Variants in LCN8 observed in about 807,000 individuals in gnomAD.
The protein encoded by LCN8 is epididymal-specific lipocalin-8.
In LCN8, 16 loss-of-function variants were observed where a neutral mutation model predicts 22.8. That is an observed-to-expected ratio of 0.70 (90% CI 0.47 to 1.06). LCN8 has a LOEUF of 1.06. Ranked by LOEUF, LCN8 falls within the 50% of genes least tolerant of loss-of-function variation. LCN8 has a pLI of 0.00. For synonymous variants in LCN8, 92 were observed against 83.4 expected, an observed-to-expected ratio of 1.10 and a Z score of -0.56; for missense variants, 189 against 203.3, an observed-to-expected ratio of 0.93 and a Z score of 0.43.
In LCN8 at chr9:136,757,976, G is replaced by T. The variant is rs1489772531; in HGVS notation, c.-46C>A. On this transcript the variant is annotated 5_prime_UTR_variant, in exon 1 of 7. Transcript: ENST00000371688. Reference sequence around the variant, plus strand: ...GGAGCACCACGAGGACACCCAGGATGGTGCACGGCAGCCTGGCCTCCGTGG... The same window carrying T: ...GGAGCACCACGAGGACACCCAGGATTGTGCACGGCAGCCTGGCCTCCGTGG... 1.9e-6 allele frequency: 3 copies of T among 1,610,702 alleles called. No individual in the cohort carries two copies. The highest frequency in any genetic ancestry group is 2.5e-6 in the Non-Finnish European group (3 of 1,179,250).
In LCN8 at chr9:136,756,198, G is replaced by A. The variant is rs1847191565; in HGVS notation, c.226+324C>T. 1.5e-6 allele frequency: 2 copies of A among 1,306,046 alleles called. 1 individual carries two copies. The allele number at this position is 1,306,046 out of a possible 1,614,324, so 80.9% of individuals were successfully genotyped here. A position where few individuals can be genotyped will look rare whatever the true frequency, so the allele number is the denominator to read the frequency against. On this transcript the variant is annotated intron_variant, in intron 3 of 6. Transcript: ENST00000371688. ...AGTGCAGGGAACAGCATGGGGAACA[G>A]CGCAGGGAACAGCATGGGGAACAGT...
rs777255250 is a variant in LCN8, at chr9:136,757,073, G to A, written c.120C>T (p.Ser40=). The change falls in exon 2 of 7, where the codon AGC becomes AGT. Residue 40 remains serine, a synonymous_variant. Coordinates refer to ENST00000371688, the MANE Select transcript of LCN8 (RefSeq NM_178469.4). ...KRVEGLFLTL[S]GSNLTVKVAY... is the part of the protein sequence containing the mutation. Reference sequence around the variant, plus strand: ...CAACCTTCACGGTCAGGTTACTCCCGCTCAAGGTGAGGAACAAGCCCTCCA... The same window carrying A: ...CAACCTTCACGGTCAGGTTACTCCCACTCAAGGTGAGGAACAAGCCCTCCA... The A allele has an allele frequency of 3.7e-5, 59 of 1,613,186 alleles. No individual in the cohort carries two copies. The highest frequency in any genetic ancestry group is 4.3e-5 in the Non-Finnish European group (51 of 1,179,744).
At chr9:136,757,429 C>CCCTGTGTT in intron 1 of LCN8, 10 of 1,403,774 alleles carry the variant, frequency 7.1e-6, no homozygotes, top group Non-Finnish European at 9.2e-6. Flanking sequence ...GCGGAACAGT[C>CCCTGTGTT]CCTAGGGCTT....
At chr9:136,757,534 G>T in intron 1 of LCN8, 2 of 1,363,820 alleles carry the variant, frequency 1.5e-6, no homozygotes, top group Non-Finnish European at 1.9e-6. Flanking sequence ...AGGGCGCGGC[G>T]GAGTGAGAAA....
At chr9:136,756,704 G>C (rs1847214090) in intron 2 of LCN8, 112 bp from the exon 3 acceptor site, 1 of 1,416,166 alleles carries the variant, frequency 7.1e-7, no homozygotes, top group Non-Finnish European at 9.4e-7. Context: ...GCACTGTGGA[G>C]TATCCCAGGC....
In LCN8 at chr9:136,755,279, G is replaced by A. The variant is rs1471390798; in HGVS notation, c.386C>T (p.Thr129Ile). The change falls in exon 5 of 7, where the codon ACA becomes ATA. Residue 129 changes from threonine to isoleucine, a missense_variant. Transcript: ENST00000371688. ...RLGFWKFREL[T>I]ADTGLYLAAR... Reference sequence around the variant, plus strand: ...CGCCAGGTAGAGACCAGTGTCTGCTGTCAGCTCCCGAAACTTCCAGAACCC... The same window carrying A: ...CGCCAGGTAGAGACCAGTGTCTGCTATCAGCTCCCGAAACTTCCAGAACCC... The A allele has an allele frequency of 1.2e-6, 2 of 1,611,872 alleles. No homozygotes were observed. Among genetic ancestry groups the A allele is most frequent in the East Asian group, 2.2e-5 (1 of 44,884 alleles).
chr9:136,756,326 G>C, intron 3 of LCN8, 196 bp downstream of exon 3: 2 of 1,517,368 alleles, frequency 1.3e-6, no homozygotes, highest in Non-Finnish European at 1.8e-6. Context: ...AGTGCAGGGA[G>C]CAGTGCAGGG....
chr9:136,756,139 C>G, intron 3 of LCN8: 4 of 889,088 alleles, frequency 4.5e-6, no homozygotes, highest in Non-Finnish European at 5.8e-6. Flanking sequence ...CAGGGAACAG[C>G]ATGTGGAACA....
At chr9:136,754,891 T>C (rs1847145971) in intron 6 of LCN8, 1 of 1,362,642 alleles carries the variant, frequency 7.3e-7, no homozygotes, top group African/African-American at 1.5e-5. Flanking sequence ...GACCCCAGCC[T>C]CCCAGGGTCC....
Position 136,755,391 on chromosome 9 carries a change from GC to G in LCN8, c.331+20del, listed in dbSNP as rs777111839. 6.0e-5 allele frequency: 96 copies of G among 1,610,572 alleles called. No homozygotes were observed. The African/African-American group carries it at 1.1e-3, about 19-fold the overall frequency. On this transcript the variant is annotated intron_variant, in intron 4 of 6. Transcript: ENST00000371688. Reference sequence around the variant, plus strand: ...CCTGGGAGAGCAGCAGCTGGGCAGAGCCCCCCAGGGCCAAGCTTACTAAAGT... The same window carrying G: ...CCTGGGAGAGCAGCAGCTGGGCAGAGCCCCCAGGGCCAAGCTTACTAAAGT...
intron 6 of LCN8, 125 bp from the exon 7 acceptor site, chr9:136,754,634 C>A: frequency 6.9e-7 from 1 of 1,453,818 alleles, no homozygotes. Flanking sequence ...CACCCAGCTC[C>A]CTGAGCGCCT....
At chr9:136,755,909 C>T in intron 3 of LCN8, 1 of 1,296,982 alleles carries the variant, frequency 7.7e-7, no homozygotes. Flanking sequence ...GTGCGGGGAA[C>T]AGTGCAGGGA....
chr9:136,758,329 GTTTT>G, upstream of LCN8: 2 of 1,105,380 alleles, frequency 1.8e-6, no homozygotes, highest in Non-Finnish European at 2.2e-6. Context: ...CATGACACTT[GTTTT>G]TTTGGGCTCG....
At position 136,754,487 on chromosome 9, in the gene LCN8, C is replaced by G. The variant is rs558117946; in HGVS notation, c.*11G>C. The stretch of plus-strand genomic sequence containing the variant: ...GCGCTCCGAACCTTGTGGTCTGAGG[C>G]AGGAACTCCATTAAATCAGCTCCTG... On this transcript the variant is annotated 3_prime_UTR_variant, in exon 7 of 7. Transcript: ENST00000371688. The G allele has an allele frequency of 9.0e-5, 140 of 1,557,000 alleles. No individual in the cohort carries two copies. In the East Asian group the frequency reaches 3.3e-3, roughly 36 times the overall value.
chr9:136,754,639 G>A (rs1847140084), intron 6 of LCN8, 130 bp from the exon 7 acceptor site: 1 of 1,448,570 alleles, frequency 6.9e-7, no homozygotes, highest in Admixed American at 2.6e-5. Context: ...AGCTCCCTGA[G>A]CGCCTTCTCA....
intron 1 of LCN8, chr9:136,757,581 C>T: frequency 1.4e-6 from 2 of 1,392,528 alleles, no homozygotes; most frequent in East Asian, 5.4e-5. Context: ...CGCAGCTCGC[C>T]AGCCTGCCAA....
At chr9:136,757,629 G>C (rs942008290) in intron 1 of LCN8, 1 of 1,413,942 alleles carries the variant, frequency 7.1e-7, no homozygotes, top group African/African-American at 1.4e-5. Context: ...TCAGCAACCC[G>C]CCCAGAGCCG....
chr9:136,756,531 C>T lies in LCN8; in HGVS notation c.217G>A (p.Ala73Thr), dbSNP rs754127415. 14 of 1,613,990 alleles carry T rather than the reference C, an allele frequency of 8.7e-6. No individual in the cohort carries two copies. Among genetic ancestry groups the T allele is most frequent in the Middle Eastern group, 1.6e-4 (1 of 6,084 alleles). ...GSEIDSTGKF[A>T]FPGHREIHVL... is the part of the protein sequence containing the mutation. The stretch of plus-strand genomic sequence containing the variant: ...GGGCAACTGCACTTACCAGGAAAAG[C>T]GAATTTTCCCGTACTGTCTATTTCT... Residue 73 changes from alanine (A) to threonine (T), a missense_variant, in exon 3 of 7, where the codon GCT (alanine) becomes ACT (threonine). Coordinates refer to ENST00000371688, the MANE Select transcript of LCN8 (RefSeq NM_178469.4).
chr9:136,756,360 G>C (rs559709449), intron 3 of LCN8, 162 bp downstream of exon 3: 1 of 1,579,538 alleles, frequency 6.3e-7, no homozygotes, highest in South Asian at 1.1e-5. Flanking sequence ...ACAGCACAGG[G>C]AATAGTTCAG....
Sources: allele counts gnomAD v4.1 joint callset, GRCh38; gene constraint gnomAD v4.1.1; transcripts MANE v1.5; gene names NCBI Gene and HGNC (gene_info 2026-07-23, HGNC 2026-07-21).